The following MGAT5 variants were observed in gnomAD, a reference collection of about 807,000 sequenced individuals.
The protein encoded by MGAT5 is alpha-1,6-mannosylglycoprotein 6-beta-N-acetylglucosaminyltransferase A.
A neutral mutation model predicts 94.3 loss-of-function variants in MGAT5; 30 were observed. That is an observed-to-expected ratio of 0.32 (90% CI 0.24 to 0.43). The LOEUF is 0.43. Among genes scored for constraint, MGAT5 ranks in the 20% least tolerant of loss-of-function variants. The pLI, the probability that MGAT5 is intolerant of heterozygous loss-of-function variation, is 1.00. For synonymous variants in MGAT5, 310 were observed against 322.9 expected (o/e 0.96, Z 0.43); for missense variants, 691 against 905.5 (o/e 0.76, Z 3.04).
At chr2:134,174,596 T>G (rs989902713) in intron 1 of MGAT5, among the ~76,000 whole-genome samples, 3 of 152,240 alleles carry the variant, frequency 2.0e-5, no homozygotes, top group Non-Finnish European at 4.4e-5. Context: ...GATTAAAAAC[T>G]AATGACATTT....
chr2:134,208,591 A>G (rs1305355581), intron 1 of MGAT5, among the ~76,000 whole-genome samples: 1 of 152,186 alleles, frequency 6.6e-6, no homozygotes, highest in Non-Finnish European at 1.5e-5. Context: ...ACATGCATTT[A>G]TTTACTATAG....
intron 1 of MGAT5, among the ~76,000 whole-genome samples, chr2:134,229,173 G>C (rs1288508447): frequency 6.6e-6 from 1 of 152,172 alleles, no homozygotes; most frequent in Non-Finnish European, 1.5e-5. Context: ...AATTGTGGAA[G>C]ACTCAGAAAT....
At chr2:134,214,706 A>T (rs80267665) in intron 1 of MGAT5, among the ~76,000 whole-genome samples, 4,525 of 152,250 alleles carry the variant, frequency 0.03, 89 homozygotes, top group South Asian at 0.083. Flanking sequence ...TTGTATTAGG[A>T]ATATAGGGTG....
rs1055074092 is a variant in MGAT5, at chr2:134,289,874, G to T, written c.406+19324G>T. ...TGGGAGAGGATTCTTGGAAGCTTGT[G>T]CCTGGTCTCTGGACATTGCCCCATG... On this transcript the variant is annotated intron_variant, in intron 2 of 15. Transcript: ENST00000281923. Among the ~76,000 whole-genome samples, 3 of 152,282 alleles carry T rather than the reference G, an allele frequency of 2.0e-5. No homozygotes were observed. In the South Asian group the frequency reaches 6.2e-4, roughly 32 times the overall value.
intron 2 of MGAT5, among the ~76,000 whole-genome samples, chr2:134,285,360 A>G (rs886272961): frequency 1.3e-5 from 2 of 151,938 alleles, no homozygotes; most frequent in South Asian, 4.1e-4. Flanking sequence ...CAAAAGCTTT[A>G]TTTTTAAATA....
rs541929258 is a variant in MGAT5, at chr2:134,310,366, A to G, written c.407-7163A>G. ...GGTGCTAGTGGATTTTGTTTAATCC[A>G]TAAATGAGGAAGGCACTTCATCTCA... On this transcript the variant is annotated intron_variant, in intron 2 of 15. Transcript: ENST00000281923. 2.0e-5 allele frequency among the ~76,000 whole-genome samples: 3 copies of G among 152,348 alleles called. No homozygotes were observed. The South Asian group carries it at 6.2e-4, about 32-fold the overall frequency.
intron 1 of MGAT5, among the ~76,000 whole-genome samples, chr2:134,153,407 GACTA>G (rs757499822): frequency 3.3e-5 from 5 of 151,984 alleles, no homozygotes; most frequent in Middle Eastern, 3.2e-3. Context: ...ACCTTCTCCT[GACTA>G]ACTGTTTTAA....
rs888081895 is a variant in MGAT5, at chr2:134,452,555, T to G, written c.*3708T>G. Reference sequence around the variant, plus strand: ...TCAGTATGATGTGTTGGACTGAAACTGTATGTCTGTAGGTAGGTGTGTGCC... The same window carrying G: ...TCAGTATGATGTGTTGGACTGAAACGGTATGTCTGTAGGTAGGTGTGTGCC... On this transcript the variant is annotated 3_prime_UTR_variant, in exon 16 of 16. Coordinates refer to ENST00000281923, the MANE Select transcript of MGAT5 (RefSeq NM_002410.5). 8.5e-5 allele frequency: 13 copies of G among 152,226 alleles called. No homozygotes were observed. Among genetic ancestry groups the G allele is most frequent in the Non-Finnish European group, 1.5e-4 (10 of 68,042 alleles). The allele number at this position is 152,226 out of a possible 1,614,324, so 9.4% of individuals were successfully genotyped here. A position where few individuals can be genotyped will look rare whatever the true frequency, so the allele number is the denominator to read the frequency against.
chr2:134,135,779 C>G (rs1021741853), intron 1 of MGAT5, among the ~76,000 whole-genome samples: 1 of 151,968 alleles, frequency 6.6e-6, no homozygotes, highest in African/African-American at 2.4e-5. Context: ...TGCTCCTCCC[C>G]GAGCCACAGC....
intron 10 of MGAT5, among the ~76,000 whole-genome samples, chr2:134,381,394 A>ATAAGATAAGATAGAT (rs1558841846): frequency 9.3e-6 from 1 of 107,552 alleles, no homozygotes; most frequent in East Asian, 3.2e-4. Flanking sequence ...AGATAGATAG[A>ATAAGATAAGATAGAT]TAGATAGATA....
intron 14 of MGAT5, among the ~76,000 whole-genome samples, chr2:134,436,858 A>G (rs1288528892): frequency 6.6e-6 from 1 of 152,196 alleles, no homozygotes; most frequent in Admixed American, 6.5e-5. Context: ...AGACTGGGTA[A>G]CACACCCAAA....
At chr2:134,334,953 G>A (rs1330234535) in intron 4 of MGAT5, among the ~76,000 whole-genome samples, 2 of 152,118 alleles carry the variant, frequency 1.3e-5, no homozygotes, top group Admixed American at 1.3e-4. Flanking sequence ...CCCGTAAGAA[G>A]ATAAGAGAAT....
At chr2:134,390,958 C>CACA (rs1682365443) in intron 10 of MGAT5, among the ~76,000 whole-genome samples, 48 of 152,290 alleles carry the variant, frequency 3.2e-4, no homozygotes, top group South Asian at 1.9e-3. Context: ...TGTCTTGTTT[C>CACA]AGACCCTAAA....
chr2:134,375,142 C>G (rs1681082675), intron 10 of MGAT5, among the ~76,000 whole-genome samples: 1 of 152,192 alleles, frequency 6.6e-6, no homozygotes, highest in African/African-American at 2.4e-5. Flanking sequence ...TTAGTGCTTC[C>G]TGTGTTCCAG....
intron 11 of MGAT5, among the ~76,000 whole-genome samples, chr2:134,407,550 A>G (rs1190485007): frequency 1.3e-5 from 2 of 152,236 alleles, no homozygotes; most frequent in Non-Finnish European, 2.9e-5. Flanking sequence ...TGCTGGAAAG[A>G]TCCAGTCTCA....
intron 4 of MGAT5, among the ~76,000 whole-genome samples, chr2:134,335,265 C>T (rs933972288): frequency 6.6e-6 from 1 of 152,114 alleles, no homozygotes; most frequent in Non-Finnish European, 1.5e-5. Flanking sequence ...CTCTATTGCT[C>T]ATTAAATTTT....
At chr2:134,339,183 G>A (rs1328674027) in intron 6 of MGAT5, among the ~76,000 whole-genome samples, 1 of 152,184 alleles carries the variant, frequency 6.6e-6, no homozygotes, top group African/African-American at 2.4e-5. Context: ...TAGATCTCTT[G>A]AATTTGTGAG....
chr2:134,239,742 C>T (rs2105438798), intron 1 of MGAT5, among the ~76,000 whole-genome samples: 1 of 151,974 alleles, frequency 6.6e-6, no homozygotes. Flanking sequence ...TTCTGCCTAC[C>T]ATAGCTATCT....
At chr2:134,419,884 C>T (rs1278980629) in intron 12 of MGAT5, among the ~76,000 whole-genome samples, 1 of 152,154 alleles carries the variant, frequency 6.6e-6, no homozygotes, top group Non-Finnish European at 1.5e-5. Flanking sequence ...GCAACTTTAA[C>T]TTACCCTGAT....
Sources: allele counts gnomAD v4.1 joint callset (sites outside exome capture counted in the v4.1 genomes callset), GRCh38; gene constraint gnomAD v4.1.1; transcripts MANE v1.5; gene names NCBI Gene and HGNC (gene_info 2026-07-23, HGNC 2026-07-21).